The following CDH12 variants were observed in gnomAD, a reference collection of about 807,000 sequenced individuals.
The protein encoded by CDH12 is cadherin-12.
Under a neutral mutation model 74.1 loss-of-function variants are expected in CDH12, and 41 were observed. The ratio of observed to expected loss-of-function variants is 0.55; its 90% CI spans 0.43 to 0.72. The LOEUF is 0.72. Ranked by LOEUF, CDH12 falls within the 30% of genes least tolerant of loss-of-function variation. The pLI is 0.00. For synonymous variants in CDH12, 399 were observed against 355.0 expected (o/e 1.12, Z -1.39); for missense variants, 945 against 977.2 (o/e 0.97, Z 0.44).
chr5:22,127,728 GCACAAT>G (rs1457283565), intron 4 of CDH12, among the ~76,000 whole-genome samples: 1 of 152,118 alleles, frequency 6.6e-6, no homozygotes, highest in African/African-American at 2.4e-5. Context: ...CCCAGAACTG[GCACAAT>G]TTAGAAGATT....
intron 4 of CDH12, among the ~76,000 whole-genome samples, chr5:22,148,665 T>G (rs963123012): frequency 2.6e-5 from 4 of 152,216 alleles, no homozygotes; most frequent in Non-Finnish European, 5.9e-5. Context: ...ATCTTATTCC[T>G]CTTTCCTAGC....
intron 4 of CDH12, among the ~76,000 whole-genome samples, chr5:22,154,577 ATGTATATG>A (rs1298147412): frequency 6.7e-6 from 1 of 149,960 alleles, no homozygotes; most frequent in African/African-American, 2.5e-5. Flanking sequence ...ATATGTATAT[ATGTATATG>A]TGTACACATA....
At chr5:22,828,754 T>C (rs1019841379) in intron 1 of CDH12, among the ~76,000 whole-genome samples, 7 of 152,112 alleles carry the variant, frequency 4.6e-5, no homozygotes, top group African/African-American at 1.7e-4. Flanking sequence ...TACACAGAAA[T>C]ACAGGTAATT....
chr5:22,544,578 G>A (rs562998175), intron 1 of CDH12, among the ~76,000 whole-genome samples: 1 of 152,258 alleles, frequency 6.6e-6, no homozygotes, highest in African/African-American at 2.4e-5. Context: ...CACTTCGAGA[G>A]GCCGAGGTGG....
chr5:22,713,794 A>G (rs1743424470), intron 1 of CDH12, among the ~76,000 whole-genome samples: 1 of 152,174 alleles, frequency 6.6e-6, no homozygotes, highest in African/African-American at 2.4e-5. Context: ...CTGCTAATGT[A>G]ACCCAGAATT....
At chr5:22,617,557 C>T (rs968430770) in intron 1 of CDH12, among the ~76,000 whole-genome samples, 2 of 152,082 alleles carry the variant, frequency 1.3e-5, no homozygotes, top group Admixed American at 6.6e-5. Flanking sequence ...AATGTCCATG[C>T]AAATTTCAAA....
intron 3 of CDH12, among the ~76,000 whole-genome samples, chr5:22,279,216 A>C (rs187008092): frequency 1.7e-4 from 26 of 152,282 alleles, no homozygotes; most frequent in African/African-American, 6.3e-4. Context: ...GTATAACTAG[A>C]GTTTATTGAA....
chr5:22,485,148 TG>T (rs1427243378), intron 2 of CDH12, among the ~76,000 whole-genome samples: 1 of 150,844 alleles, frequency 6.6e-6, no homozygotes, highest in South Asian at 2.1e-4. Flanking sequence ...ATCTTATTTA[TG>T]GAGAAATTTG....
intron 3 of CDH12, among the ~76,000 whole-genome samples, chr5:22,384,282 T>C (rs1037086354): frequency 1.3e-5 from 2 of 151,684 alleles, no homozygotes; most frequent in Admixed American, 1.3e-4. Flanking sequence ...CCCAGCACTT[T>C]GGGAGGCCGA....
intron 6 of CDH12, among the ~76,000 whole-genome samples, chr5:21,905,724 G>A (rs116279234): frequency 0.02 from 2,711 of 136,706 alleles, 33 homozygotes; most frequent in Non-Finnish European, 0.029. Context: ...TTACCATCTC[G>A]GCAGAGAGAC....
At chr5:22,089,011 A>G (rs1483476481) in intron 4 of CDH12, among the ~76,000 whole-genome samples, 3 of 152,184 alleles carry the variant, frequency 2.0e-5, no homozygotes, top group African/African-American at 7.2e-5. Flanking sequence ...GCAGCAGTAC[A>G]ATGGTAAAAA....
At position 22,734,574 on chromosome 5, in the gene CDH12, T is replaced by A. The variant is rs191192891; in HGVS notation, c.-523+118484A>T. Among the ~76,000 whole-genome samples, 399 of 152,096 alleles carry A rather than the reference T, an allele frequency of 2.6e-3. 4 individuals carry two copies. The highest frequency in any genetic ancestry group is 9.4e-3 in the African/African-American group (389 of 41,518). On this transcript the variant is annotated intron_variant, in intron 1 of 14. Transcript: ENST00000382254. ...TCAAGGGCTGGCTGGTTTAAAGACT[T>A]ATTTTTGAAACTCTACAGCATACTT... is the stretch of plus-strand genomic sequence containing the variant.
At position 22,551,212 on chromosome 5, in the gene CDH12, A is replaced by G. The variant is rs762716799; in HGVS notation, c.-522-45848T>C. ...TATCTGTCTCTCTGAGCATGCACAG[A>G]TGAAAGTCTATGTGAGAAGACAGGA... On this transcript the variant is annotated intron_variant, in intron 1 of 14. Coordinates refer to ENST00000382254, the MANE Select transcript of CDH12 (RefSeq NM_004061.5). Among the ~76,000 whole-genome samples, 10 of 152,202 alleles carry G rather than the reference A, an allele frequency of 6.6e-5. 1 individual carries two copies. Among genetic ancestry groups the G allele is most frequent in the Non-Finnish European group, 1.3e-4 (9 of 68,032 alleles).
At chr5:21,835,117 G>C (rs954788993) in intron 8 of CDH12, among the ~76,000 whole-genome samples, 9 of 151,788 alleles carry the variant, frequency 5.9e-5, no homozygotes, top group African/African-American at 2.4e-5. Flanking sequence ...GACTTTCCAG[G>C]AAATGTGGGA....
intron 4 of CDH12, chr5:22,144,013 T>G (rs1437960678): frequency 6.6e-6 from 1 of 152,142 alleles, no homozygotes; most frequent in Non-Finnish European, 1.5e-5. Context: ...ATTCTCAGAA[T>G]GTTTATTGAC....
At chr5:21,838,446 G>C (rs998722824) in intron 8 of CDH12, among the ~76,000 whole-genome samples, 8 of 152,102 alleles carry the variant, frequency 5.3e-5, no homozygotes, top group African/African-American at 1.4e-4. Flanking sequence ...TGTAATCCCA[G>C]CTACTTGGGA....
At chr5:21,762,198 G>A (rs958379886) in intron 12 of CDH12, among the ~76,000 whole-genome samples, 1 of 152,006 alleles carries the variant, frequency 6.6e-6, no homozygotes, top group Non-Finnish European at 1.5e-5. Context: ...AACATAACTA[G>A]AATAAAGAAA....
chr5:22,165,909 G>A (rs1415016285), intron 4 of CDH12, among the ~76,000 whole-genome samples: 1 of 152,128 alleles, frequency 6.6e-6, no homozygotes, highest in Non-Finnish European at 1.5e-5. Flanking sequence ...GTAAAGGGGA[G>A]GCATGAATAA....
At chr5:22,253,707 C>T (rs1026210696) in intron 3 of CDH12, among the ~76,000 whole-genome samples, 9 of 151,722 alleles carry the variant, frequency 5.9e-5, no homozygotes, top group Non-Finnish European at 1.3e-4. Flanking sequence ...CCTTTTCCCT[C>T]TTCTCCTCCA....
Sources: gnomAD v4.1 joint callset for allele counts (sites outside exome capture counted in the v4.1 genomes callset) on GRCh38, gnomAD v4.1.1 for gene constraint, MANE v1.5 for transcripts, NCBI Gene and HGNC (gene_info 2026-07-23, HGNC 2026-07-21) for gene names.